The following SLC1A2 variants were observed in gnomAD, a reference collection of about 807,000 sequenced individuals.
SLC1A2 encodes the protein excitatory amino acid transporter 2.
In SLC1A2, 15 loss-of-function variants were observed where a neutral mutation model predicts 48.8. The observed-to-expected ratio is 0.31, with a 90% CI of 0.21 to 0.47. The LOEUF is 0.47. Ranked by LOEUF, SLC1A2 falls within the 20% of genes least tolerant of loss-of-function variation. SLC1A2 has a pLI of 0.99. For synonymous variants in SLC1A2, 279 were observed against 272.6 expected (o/e 1.02, Z -0.23); for missense variants, 502 against 730.5 (o/e 0.69, Z 3.61).
intron 1 of SLC1A2, among the ~76,000 whole-genome samples, chr11:35,404,000 C>T (rs748647404): frequency 4.1e-5 from 4 of 96,848 alleles, no homozygotes; most frequent in Non-Finnish European, 9.4e-5. Flanking sequence ...TGCTCCTCCA[C>T]GGGCGCCTCC....
rs143732375 is a variant in SLC1A2, at chr11:35,258,468, T to C, written c.*2426A>G. 13 of 152,704 alleles carry C rather than the reference T, an allele frequency of 8.5e-5. No homozygotes were observed. The highest frequency in any genetic ancestry group is 3.1e-4 in the African/African-American group (13 of 41,562). 9.5% of individuals were successfully genotyped at this position (152,704 alleles called of 1,614,324 possible). A position where few individuals can be genotyped will look rare whatever the true frequency, so the allele number is the denominator to read the frequency against. On this transcript the variant is annotated 3_prime_UTR_variant, in exon 11 of 11. Transcript: ENST00000278379. ...ACCACTCCATTGAGAAACATGCCCA[T>C]GTATATAGATCCCAAAGCTGGCCTT...
chr11:35,319,563 A>T (rs1278041774), intron 1 of SLC1A2, among the ~76,000 whole-genome samples: 1 of 152,224 alleles, frequency 6.6e-6, no homozygotes, highest in African/African-American at 2.4e-5. Flanking sequence ...AAAACTAGGA[A>T]GTATTTAAAG....
intron 6 of SLC1A2, among the ~76,000 whole-genome samples, chr11:35,295,892 T>C (rs146527826): frequency 6.6e-6 from 1 of 152,322 alleles, no homozygotes; most frequent in East Asian, 1.9e-4. Flanking sequence ...ACCAGCTTCC[T>C]GTTAACAATT....
rs776154620 is a variant in SLC1A2, at chr11:35,306,106, C to T, written c.698G>A (p.Gly233Asp). The stretch of plus-strand genomic sequence containing the variant: ...GTTCATCCCATCCTTGAACTCCAGG[C>T]CCTTCTTGATAACCATCTTAGTCTC... Reference protein sequence around the residue: ...PEETKMVIKKGLEFKDGMNVL... With the variant: ...PEETKMVIKKDLEFKDGMNVL... Residue 233 changes from glycine to aspartate, a missense_variant, in exon 5 of 11, where the codon GGC (glycine) becomes GAC (aspartate). By Grantham distance (94) the Gly-to-Asp change is moderately conservative. Transcript: ENST00000278379. 1 of 1,614,006 alleles carries T rather than the reference C, an allele frequency of 6.2e-7. No individual in the cohort carries two copies. The highest frequency in any genetic ancestry group is 8.5e-7 in the Non-Finnish European group (1 of 1,179,930).
intron 1 of SLC1A2, among the ~76,000 whole-genome samples, chr11:35,357,950 T>A (rs1258679764): frequency 6.6e-6 from 1 of 152,040 alleles, no homozygotes; most frequent in Non-Finnish European, 1.5e-5. Context: ...ATTGAGACCA[T>A]CCTGGCCAAC....
chr11:35,348,394 T>A (rs1439955335), intron 1 of SLC1A2, among the ~76,000 whole-genome samples: 1 of 151,792 alleles, frequency 6.6e-6, no homozygotes, highest in Non-Finnish European at 1.5e-5. Flanking sequence ...ATAATTCCTC[T>A]TTGTTTCTCA....
intron 1 of SLC1A2, among the ~76,000 whole-genome samples, chr11:35,407,763 C>A (rs913301290): frequency 6.6e-6 from 1 of 152,118 alleles, no homozygotes; most frequent in East Asian, 1.9e-4. Context: ...TCACTCTTGA[C>A]TCCCTTCCTT....
chr11:35,367,257 G>T (rs998432331), intron 1 of SLC1A2, among the ~76,000 whole-genome samples: 2 of 152,194 alleles, frequency 1.3e-5, no homozygotes, highest in Non-Finnish European at 2.9e-5. Context: ...TTTACCATGG[G>T]CCAGTTCATG....
chr11:35,399,232 C>T (rs1266094162), intron 1 of SLC1A2, among the ~76,000 whole-genome samples: 1 of 152,166 alleles, frequency 6.6e-6, no homozygotes, highest in Non-Finnish European at 1.5e-5. Flanking sequence ...AATTTAGTCC[C>T]TCTTTATCCC....
At chr11:35,329,518 A>T (rs770617614) in intron 1 of SLC1A2, among the ~76,000 whole-genome samples, 2 of 152,214 alleles carry the variant, frequency 1.3e-5, no homozygotes, top group Non-Finnish European at 2.9e-5. Flanking sequence ...TGTAAAACTA[A>T]AACTACTCTT....
chr11:35,263,468 T>TA (rs955727221), intron 10 of SLC1A2, among the ~76,000 whole-genome samples: 17 of 151,904 alleles, frequency 1.1e-4, no homozygotes, highest in Admixed American at 8.5e-4. Context: ...AACTCCGTCT[T>TA]AAAAAAAAGA....
chr11:35,345,401 G>A (rs1852992185), intron 1 of SLC1A2, among the ~76,000 whole-genome samples: 1 of 152,224 alleles, frequency 6.6e-6, no homozygotes, highest in Non-Finnish European at 1.5e-5. Flanking sequence ...TCACTTGCCT[G>A]TGATTGCACT....
intron 1 of SLC1A2, among the ~76,000 whole-genome samples, chr11:35,337,431 C>T (rs1173479595): frequency 6.6e-6 from 1 of 152,136 alleles, no homozygotes; most frequent in Non-Finnish European, 1.5e-5. Context: ...ATCTCAGCAG[C>T]AGGGAGTTCT....
intron 1 of SLC1A2, among the ~76,000 whole-genome samples, chr11:35,362,104 G>A (rs1488391036): frequency 4.6e-5 from 7 of 152,202 alleles, no homozygotes; most frequent in African/African-American, 1.7e-4. Flanking sequence ...CCTGGTATAG[G>A]CAATGGTGGA....
intron 1 of SLC1A2, among the ~76,000 whole-genome samples, chr11:35,385,171 T>C (rs976389651): frequency 1.3e-5 from 2 of 152,202 alleles, no homozygotes; most frequent in Non-Finnish European, 2.9e-5. Flanking sequence ...CATTCTAAAT[T>C]GTCATTGAGA....
At chr11:35,344,255 T>C (rs1192660858) in intron 1 of SLC1A2, among the ~76,000 whole-genome samples, 2 of 152,190 alleles carry the variant, frequency 1.3e-5, no homozygotes, top group African/African-American at 2.4e-5. Context: ...GAATAAGCAC[T>C]GTAAAGAACA....
chr11:35,277,041 A>G lies in SLC1A2; in HGVS notation c.1421+3826T>C, dbSNP rs544991669. On this transcript the variant is annotated intron_variant, in intron 9 of 10. Transcript: ENST00000278379. ...GCAGAAAGACAAAGAGAGGGCAAGA[A>G]GGGGCTGAATTCACCCTTTTATAAT... Among the ~76,000 whole-genome samples the G allele has an allele frequency of 1.6e-4, 24 of 152,302 alleles. No individual in the cohort carries two copies. The East Asian group carries it at 4.6e-3, about 29-fold the overall frequency.
intron 1 of SLC1A2, among the ~76,000 whole-genome samples, chr11:35,333,015 G>T (rs1412010979): frequency 6.6e-6 from 1 of 152,106 alleles, no homozygotes; most frequent in Non-Finnish European, 1.5e-5. Flanking sequence ...TGTTCCTCAG[G>T]TTGGCTCCCT....
intron 1 of SLC1A2, among the ~76,000 whole-genome samples, chr11:35,369,861 A>T (rs4756224): frequency 6.6e-6 from 1 of 151,982 alleles, no homozygotes; most frequent in Non-Finnish European, 1.5e-5. Context: ...GCTAACAAAA[A>T]TCATAATATA....
Sources: allele counts gnomAD v4.1 joint callset (sites outside exome capture counted in the v4.1 genomes callset), GRCh38; gene constraint gnomAD v4.1.1; transcripts MANE v1.5; gene names NCBI Gene and HGNC (gene_info 2026-07-23, HGNC 2026-07-21).